Variants in SOX5 observed in about 807,000 individuals in gnomAD.
SOX5 encodes SRY-box transcription factor 5, also known as transcription factor SOX-5.
In SOX5, 9 loss-of-function variants were observed where a neutral mutation model predicts 92.0. The observed-to-expected ratio is 0.10, with a 90% CI of 0.06 to 0.17. SOX5 has a LOEUF of 0.17. Ranked by LOEUF, SOX5 falls within the 10% of genes least tolerant of loss-of-function variation. The pLI is 1.00. For synonymous variants in SOX5, 344 were observed against 336.3 expected (o/e 1.02, Z -0.25); for missense variants, 642 against 944.5 (o/e 0.68, Z 4.20).
intron 7 of SOX5, among the ~76,000 whole-genome samples, chr12:23,643,474 T>C (rs1006342584): frequency 2.0e-5 from 3 of 152,216 alleles, no homozygotes; most frequent in African/African-American, 7.2e-5. Context: ...AAAGCCCTCA[T>C]AGGAGACATA....
At chr12:24,295,656 C>A (rs1019890630) in intron 2 of SOX5, among the ~76,000 whole-genome samples, 5 of 152,178 alleles carry the variant, frequency 3.3e-5, no homozygotes, top group Non-Finnish European at 7.3e-5. Flanking sequence ...TTCTGCCTCC[C>A]AGGTTCAAGT....
intron 1 of SOX5, among the ~76,000 whole-genome samples, chr12:24,543,950 A>T (rs1027669319): frequency 6.6e-6 from 1 of 152,190 alleles, no homozygotes; most frequent in Admixed American, 6.5e-5. Flanking sequence ...TTCCTTAGGG[A>T]CTGAACCATG....
intron 4 of SOX5, among the ~76,000 whole-genome samples, chr12:24,132,303 G>A (rs1462002928): frequency 6.6e-6 from 1 of 152,048 alleles, no homozygotes; most frequent in Admixed American, 6.6e-5. Context: ...TAAATCATTC[G>A]AACACCCTGG....
At chr12:24,267,216 AC>A (rs1269146786) in intron 3 of SOX5, among the ~76,000 whole-genome samples, 1 of 152,108 alleles carries the variant, frequency 6.6e-6, no homozygotes, top group Non-Finnish European at 1.5e-5. Flanking sequence ...ACGGAGCAAG[AC>A]CCTGTCTCAA....
At chr12:23,832,435 A>G (rs2096343212) in intron 3 of SOX5, among the ~76,000 whole-genome samples, 1 of 152,006 alleles carries the variant, frequency 6.6e-6, no homozygotes, top group South Asian at 2.1e-4. Flanking sequence ...GTGTTTCGGT[A>G]TATAAAAGTA....
intron 4 of SOX5, among the ~76,000 whole-genome samples, chr12:24,078,325 G>C (rs1249476853): frequency 6.6e-6 from 1 of 152,000 alleles, no homozygotes; most frequent in African/African-American, 2.4e-5. Context: ...GGAGGTACCT[G>C]AAAAAGGAAA....
At chr12:23,738,574 G>A (rs1254394294) in intron 5 of SOX5, 2 of 152,096 alleles carry the variant, frequency 1.3e-5, no homozygotes, top group East Asian at 1.9e-4. Flanking sequence ...GAGGTCTTGG[G>A]AAAGTATTAG....
intron 4 of SOX5, among the ~76,000 whole-genome samples, chr12:24,101,731 T>C (rs1946117252): frequency 6.6e-6 from 1 of 152,170 alleles, no homozygotes; most frequent in South Asian, 2.1e-4. Context: ...TCCAACCTGG[T>C]TCCTCCTACT....
chr12:24,496,514 C>A (rs1458693662), intron 1 of SOX5, among the ~76,000 whole-genome samples: 1 of 152,064 alleles, frequency 6.6e-6, no homozygotes. Flanking sequence ...CTCAGCTTAC[C>A]CTAACTTCGC....
chr12:23,868,148 G>T (rs1595196230), intron 2 of SOX5, among the ~76,000 whole-genome samples: 1 of 146,454 alleles, frequency 6.8e-6, no homozygotes, highest in Admixed American at 6.9e-5. Context: ...TAAAAAATGT[G>T]TAAAAACATC....
At chr12:24,016,357 T>C (rs187527519) in intron 4 of SOX5, among the ~76,000 whole-genome samples, 2 of 152,218 alleles carry the variant, frequency 1.3e-5, no homozygotes, top group African/African-American at 4.8e-5. Context: ...TAAGTCCACA[T>C]TTGCTTATGG....
chr12:23,597,820 G>T (rs969547235), intron 9 of SOX5, among the ~76,000 whole-genome samples: 1 of 152,152 alleles, frequency 6.6e-6, no homozygotes, highest in Non-Finnish European at 1.5e-5. Context: ...AAAGAATACA[G>T]AATAATTTAT....
intron 3 of SOX5, among the ~76,000 whole-genome samples, chr12:23,828,393 C>T (rs2096265534): frequency 6.6e-6 from 1 of 152,148 alleles, no homozygotes; most frequent in South Asian, 2.1e-4. Flanking sequence ...CTAAATATAT[C>T]TTTCTATATC....
At chr12:24,470,010 A>C (rs1012594448) in intron 1 of SOX5, among the ~76,000 whole-genome samples, 2 of 152,248 alleles carry the variant, frequency 1.3e-5, no homozygotes, top group African/African-American at 4.8e-5. Flanking sequence ...TAATGTATAT[A>C]TATTATAAAC....
chr12:23,667,374 T>C (rs1413653839), intron 6 of SOX5, among the ~76,000 whole-genome samples: 2 of 152,232 alleles, frequency 1.3e-5, no homozygotes, highest in Non-Finnish European at 2.9e-5. Flanking sequence ...CAATGAATTC[T>C]GGAGCTTTTA....
At chr12:23,751,079 C>T (rs1405036189) in intron 4 of SOX5, among the ~76,000 whole-genome samples, 3 of 151,836 alleles carry the variant, frequency 2.0e-5, no homozygotes, top group Non-Finnish European at 4.4e-5. Flanking sequence ...TAAGCAACTA[C>T]AGAGGAACTA....
In SOX5 at chr12:24,173,568, G is replaced by A. The variant is rs535629266; in HGVS notation, c.-2+39775C>T. 6.0e-5 allele frequency among the ~76,000 whole-genome samples: 9 copies of A among 150,966 alleles called. No homozygotes were observed. The South Asian group carries it at 1.9e-3, about 31-fold the overall frequency. Reference sequence around the variant, plus strand: ...CAGCTTTCTACCTGGTAATCAGTGAGGAGTATTCATATAGCAACATGGTGA... The same window carrying A: ...CAGCTTTCTACCTGGTAATCAGTGAAGAGTATTCATATAGCAACATGGTGA... On this transcript the variant is annotated intron_variant, in intron 4 of 4. Transcript: ENST00000446891.
rs567276202 is a variant in SOX5 at position 24,030,680 on chromosome 12, A to G, written c.-1-134656T>C. 2.6e-5 allele frequency among the ~76,000 whole-genome samples: 4 copies of G among 152,136 alleles called. No homozygotes were observed. The South Asian group carries it at 8.3e-4, about 32-fold the overall frequency. ...CCAGAAGCACAGGCAACAAAAGCAAAAATAGACAAATGGGATTATATCAAA... is the reference window on the plus strand; with the variant it reads ...CCAGAAGCACAGGCAACAAAAGCAAGAATAGACAAATGGGATTATATCAAA... On this transcript the variant is annotated intron_variant, in intron 4 of 4. Transcript: ENST00000446891.
Position 23,770,120 on chromosome 12 carries a change from T to G in SOX5, c.482-14396A>C, listed in dbSNP as rs554214676. ...GATTAATTTTCTATCAAAGAACAATTTGCTTCATTTTCCTTTGTCCTGTCA... is the reference window on the plus strand; with the variant it reads ...GATTAATTTTCTATCAAAGAACAATGTGCTTCATTTTCCTTTGTCCTGTCA... On this transcript the variant is annotated intron_variant, in intron 3 of 14. Transcript: ENST00000451604. 1.3e-4 allele frequency among the ~76,000 whole-genome samples: 19 copies of G among 148,528 alleles called. No individual in the cohort carries two copies. In the South Asian group the frequency reaches 3.5e-3, roughly 27 times the overall value.
Sources: allele counts gnomAD v4.1 joint callset (sites outside exome capture counted in the v4.1 genomes callset), GRCh38; gene constraint gnomAD v4.1.1; transcripts MANE v1.5; gene names NCBI Gene and HGNC (gene_info 2026-07-23, HGNC 2026-07-21).